COMMD1: variants seen among roughly 807,000 people sequenced by gnomAD.
COMMD1 encodes copper metabolism domain containing 1.
In COMMD1, 10 loss-of-function variants were observed where a neutral mutation model predicts 17.2. That is an observed-to-expected ratio of 0.58 (90% confidence interval 0.36 to 0.99). The LOEUF is 0.99. Among genes scored for constraint, COMMD1 ranks in the 50% least tolerant of loss-of-function variants. The pLI is 0.01. For missense variants in COMMD1, 270 were observed against 231.8 expected, an observed-to-expected ratio of 1.17 and a Z score of -1.07; for synonymous variants, 97 against 91.6, an observed-to-expected ratio of 1.06 and a Z score of -0.34.
At chr2:62,119,441 T>G (rs1672686620) in intron 2 of COMMD1, among the ~76,000 whole-genome samples, 1 of 152,156 alleles carries the variant, frequency 6.6e-6, no homozygotes, top group Admixed American at 6.6e-5. Context: ...CCCAATAAAA[T>G]TAATCCTCAC....
At chr2:62,099,089 C>G (rs1672100448) in intron 2 of COMMD1, among the ~76,000 whole-genome samples, 1 of 152,148 alleles carries the variant, frequency 6.6e-6, no homozygotes, top group African/African-American at 2.4e-5. Context: ...TCTGGTCCCC[C>G]TGTGGCTTGA....
intron 1 of COMMD1, among the ~76,000 whole-genome samples, chr2:61,972,044 G>A (rs1347977155): frequency 3.9e-5 from 6 of 152,050 alleles, no homozygotes; most frequent in Admixed American, 3.3e-4. Context: ...GATTGCTTGA[G>A]CCCGGGAGGC....
intron 2 of COMMD1, among the ~76,000 whole-genome samples, chr2:62,081,705 A>G (rs1298298064): frequency 6.6e-6 from 1 of 151,964 alleles, no homozygotes; most frequent in Non-Finnish European, 1.5e-5. Flanking sequence ...TTTCTCTCGG[A>G]TGATTTATGA....
At chr2:61,965,208 G>A (rs1671475199) in intron 1 of COMMD1, among the ~76,000 whole-genome samples, 1 of 152,094 alleles carries the variant, frequency 6.6e-6, no homozygotes, top group Non-Finnish European at 1.5e-5. Context: ...CTATAGATGA[G>A]TTATAATTAA....
chr2:62,066,745 A>T (rs1461530414), intron 2 of COMMD1, among the ~76,000 whole-genome samples: 2 of 147,762 alleles, frequency 1.4e-5, no homozygotes, highest in African/African-American at 2.5e-5. Context: ...TTGGTTTTTG[A>T]GACACAGTCT....
intron 2 of COMMD1, among the ~76,000 whole-genome samples, chr2:62,043,131 A>G (rs1291444979): frequency 6.6e-6 from 1 of 152,198 alleles, no homozygotes; most frequent in Non-Finnish European, 1.5e-5. Flanking sequence ...CAGACTTTGG[A>G]AATACCAGCT....
intron 2 of COMMD1, among the ~76,000 whole-genome samples, chr2:62,018,469 C>T (rs957672814): frequency 1.3e-5 from 2 of 152,212 alleles, no homozygotes; most frequent in Non-Finnish European, 2.9e-5. Context: ...ATCCAAGCTA[C>T]CACTAAATTG....
intron 2 of COMMD1, among the ~76,000 whole-genome samples, chr2:62,002,528 AATTC>A (rs1484440990): frequency 7.0e-6 from 1 of 143,126 alleles, no homozygotes; most frequent in Non-Finnish European, 1.5e-5. Flanking sequence ...AAAAAAAGAT[AATTC>A]ATTAAAAATT....
intron 1 of COMMD1, among the ~76,000 whole-genome samples, chr2:61,920,570 T>C (rs1572962990): frequency 1.3e-5 from 2 of 152,062 alleles, no homozygotes; most frequent in African/African-American, 4.8e-5. Flanking sequence ...AAGAAATATA[T>C]GTGGTGCTTC....
intron 1 of COMMD1, among the ~76,000 whole-genome samples, chr2:61,937,235 A>G (rs1279421701): frequency 6.6e-6 from 1 of 152,074 alleles, no homozygotes; most frequent in Non-Finnish European, 1.5e-5. Flanking sequence ...TATGATGATT[A>G]CCCCCACTTC....
intron 2 of COMMD1, among the ~76,000 whole-genome samples, chr2:62,036,180 T>C (rs543075016): frequency 1.3e-5 from 2 of 152,284 alleles, no homozygotes; most frequent in African/African-American, 4.8e-5. Flanking sequence ...TTTTCAAGTT[T>C]AGTAAACAAA....
At chr2:62,123,534 CAGGAAGGA>C (rs200053788) in intron 2 of COMMD1, among the ~76,000 whole-genome samples, 2,956 of 137,250 alleles carry the variant, frequency 0.022, 143 homozygotes, top group African/African-American at 0.081. Flanking sequence ...AAAAAAAAAA[CAGGAAGGA>C]AGGAAGGAAG....
Position 62,040,762 on chromosome 2 carries a change from G to A in COMMD1, c.462+39780G>A, listed in dbSNP as rs190736723. 5.9e-5 allele frequency among the ~76,000 whole-genome samples: 9 copies of A among 152,064 alleles called. No individual in the cohort carries two copies. In the East Asian group the frequency reaches 1.7e-3, roughly 29 times the overall value. On this transcript the variant is annotated intron_variant, in intron 2 of 2. Coordinates refer to ENST00000311832, the MANE Select transcript of COMMD1 (RefSeq NM_152516.4). ...GTCTTGCTCTGTCACCCAAGCTAGA[G>A]TGCAGTGGCGCGATCTCGACTCACT...
At chr2:62,033,954 T>TA (rs1047619127) in intron 2 of COMMD1, among the ~76,000 whole-genome samples, 13 of 150,478 alleles carry the variant, frequency 8.6e-5, no homozygotes, top group South Asian at 2.1e-4. Flanking sequence ...TACAAAAATG[T>TA]AAAAAAAATA....
intron 1 of COMMD1, among the ~76,000 whole-genome samples, chr2:61,950,087 T>A (rs563877473): frequency 1.3e-5 from 2 of 152,298 alleles, no homozygotes; most frequent in East Asian, 3.9e-4. Flanking sequence ...CTAAAGTGTT[T>A]CCTCCTATAA....
At chr2:62,025,588 G>A (rs1350422556) in intron 2 of COMMD1, among the ~76,000 whole-genome samples, 2 of 152,098 alleles carry the variant, frequency 1.3e-5, no homozygotes, top group South Asian at 4.2e-4. Flanking sequence ...AGTAGAGAAC[G>A]GATGCTAAGT....
intron 2 of COMMD1, among the ~76,000 whole-genome samples, chr2:62,124,254 G>A (rs986826927): frequency 1.3e-5 from 2 of 152,128 alleles, no homozygotes; most frequent in Non-Finnish European, 2.9e-5. Context: ...AGCTGAGATC[G>A]TGCCACTGCA....
intron 2 of COMMD1, among the ~76,000 whole-genome samples, chr2:62,005,462 A>C (rs965916581): frequency 1.1e-4 from 16 of 152,232 alleles, no homozygotes; most frequent in African/African-American, 3.9e-4. Context: ...CCAAAGGGCT[A>C]ATATCCAGAA....
intron 1 of COMMD1, among the ~76,000 whole-genome samples, chr2:61,894,248 A>G (rs1168571614): frequency 6.6e-6 from 1 of 152,166 alleles, no homozygotes; most frequent in Non-Finnish European, 1.5e-5. Context: ...GGACTACAGT[A>G]TCGTGCAACT....
Sources: allele counts gnomAD v4.1 joint callset (sites outside exome capture counted in the v4.1 genomes callset), GRCh38; gene constraint gnomAD v4.1.1; transcripts MANE v1.5; gene names NCBI Gene and HGNC (gene_info 2026-07-23, HGNC 2026-07-21).